DNM3: variants seen among roughly 807,000 people sequenced by gnomAD.
DNM3 encodes the protein dynamin-3.
A neutral mutation model predicts 101.6 loss-of-function variants in DNM3; 47 were observed. The observed-to-expected ratio is 0.46, with a 90% CI of 0.37 to 0.59. DNM3 has a LOEUF of 0.59. Among genes scored for constraint, DNM3 ranks in the 20% least tolerant of loss-of-function variants. The pLI, the probability that DNM3 is intolerant of heterozygous loss-of-function variation, is 0.00. For missense variants in DNM3, 849 were observed against 1,085.7 expected (o/e 0.78, Z 3.06); for synonymous variants, 385 against 387.9 (o/e 0.99, Z 0.09).
chr1:171,846,929 C>G (rs919286556), intron 1 of DNM3, among the ~76,000 whole-genome samples: 21 of 152,178 alleles, frequency 1.4e-4, no homozygotes, highest in Non-Finnish European at 2.9e-4. Flanking sequence ...TTACCTGTTT[C>G]CATATCCCCA....
intron 14 of DNM3, among the ~76,000 whole-genome samples, chr1:172,144,019 T>C (rs1014380665): frequency 6.6e-6 from 1 of 152,150 alleles, no homozygotes; most frequent in Admixed American, 6.5e-5. Flanking sequence ...TTAAAAGTTA[T>C]ACATACAGCC....
In DNM3 at chr1:172,133,993, G is replaced by A. The variant is rs567183980; in HGVS notation, c.1659+2705G>A. ...AGGTTGTGACATGATTGGATTGATG[G>A]TTTAGAAAGATTGCCCTGGCTGCTG... On this transcript the variant is annotated intron_variant, in intron 14 of 20. Coordinates refer to ENST00000627582, the MANE Select transcript of DNM3 (RefSeq NM_015569.5). 2.6e-5 allele frequency among the ~76,000 whole-genome samples: 4 copies of A among 152,264 alleles called. No homozygotes were observed. The South Asian group carries it at 8.3e-4, about 32-fold the overall frequency.
intron 4 of DNM3, among the ~76,000 whole-genome samples, chr1:172,010,684 G>T (rs1246442375): frequency 1.6e-3 from 11 of 7,096 alleles, no homozygotes; most frequent in Admixed American, 0.013. Flanking sequence ...GGTATGTTTT[G>T]TGTGTGTGTG....
chr1:172,087,558 C>A (rs2053616433), intron 12 of DNM3, among the ~76,000 whole-genome samples: 1 of 152,146 alleles, frequency 6.6e-6, no homozygotes, highest in Non-Finnish European at 1.5e-5. Flanking sequence ...ATGTTGTTCC[C>A]ACTTTCTGTG....
intron 2 of DNM3, among the ~76,000 whole-genome samples, chr1:171,982,587 A>G (rs1253427250): frequency 6.6e-6 from 1 of 151,722 alleles, no homozygotes; most frequent in Non-Finnish European, 1.5e-5. Context: ...CATAGATTAG[A>G]CCCAAATTGT....
rs531466441 is a variant in DNM3 at position 172,114,127 on chromosome 1, G to C, written c.1546-17048G>C. ...TTTTCAGTGTAGAGAATTAAAATTG[G>C]TTGCTATGAGGAAAAGTGAAGATGG... On this transcript the variant is annotated intron_variant, in intron 13 of 20. Transcript: ENST00000627582. 1.1e-4 allele frequency among the ~76,000 whole-genome samples: 16 copies of C among 152,224 alleles called. No homozygotes were observed. In the South Asian group the frequency reaches 3.3e-3, roughly 32 times the overall value.
At chr1:171,875,955 C>T (rs578077295) in intron 1 of DNM3, among the ~76,000 whole-genome samples, 8 of 151,622 alleles carry the variant, frequency 5.3e-5, no homozygotes, top group Admixed American at 2.0e-4. Context: ...GGACTACAGG[C>T]GCGTGCCACC....
intron 14 of DNM3, among the ~76,000 whole-genome samples, chr1:172,236,968 A>C (rs867215099): frequency 6.6e-6 from 1 of 152,050 alleles, no homozygotes; most frequent in African/African-American, 2.4e-5. Context: ...CTCCTGTTTT[A>C]TTAAGGGCCG....
intron 17 of DNM3, among the ~76,000 whole-genome samples, chr1:172,371,073 A>G (rs1485229066): frequency 5.3e-5 from 8 of 152,014 alleles, no homozygotes; most frequent in African/African-American, 1.7e-4. Context: ...CCACTTTCTC[A>G]TTCATTAATG....
intron 15 of DNM3, among the ~76,000 whole-genome samples, chr1:172,307,398 A>T (rs1277680246): frequency 4.6e-5 from 7 of 152,206 alleles, no homozygotes; most frequent in Non-Finnish European, 8.8e-5. Context: ...GGATGTGGAG[A>T]AATAGGAATG....
chr1:172,039,739 C>G (rs1156726866), intron 7 of DNM3, among the ~76,000 whole-genome samples: 1 of 151,912 alleles, frequency 6.6e-6, no homozygotes, highest in Non-Finnish European at 1.5e-5. Context: ...TTCTTTCTGA[C>G]CTATTTCTTT....
chr1:171,963,556 G>GT (rs1173205824), intron 2 of DNM3, among the ~76,000 whole-genome samples: 1 of 152,040 alleles, frequency 6.6e-6, no homozygotes, highest in Non-Finnish European at 1.5e-5. Context: ...TTCATCTATT[G>GT]TAACAAATGT....
intron 14 of DNM3, among the ~76,000 whole-genome samples, chr1:172,204,589 A>G (rs571013486): frequency 2.6e-5 from 4 of 152,160 alleles, no homozygotes; most frequent in Admixed American, 1.3e-4. Flanking sequence ...TGCATGTTCT[A>G]TCTTTGCTAA....
At chr1:172,166,041 T>C (rs1467341310) in intron 14 of DNM3, among the ~76,000 whole-genome samples, 2 of 152,056 alleles carry the variant, frequency 1.3e-5, no homozygotes, top group African/African-American at 4.8e-5. Flanking sequence ...CGAGATCCCA[T>C]TGCATCCTGT....
chr1:172,209,197 C>T (rs2060427339), intron 14 of DNM3, among the ~76,000 whole-genome samples: 2 of 151,810 alleles, frequency 1.3e-5, no homozygotes, highest in South Asian at 2.1e-4. Flanking sequence ...AATGAGACAC[C>T]AAGGTCCCCA....
intron 1 of DNM3, among the ~76,000 whole-genome samples, chr1:171,871,077 G>A (rs2035234588): frequency 6.6e-6 from 1 of 152,162 alleles, no homozygotes; most frequent in Non-Finnish European, 1.5e-5. Flanking sequence ...GATCTCAAAT[G>A]GTAAAAATCA....
At chr1:172,335,178 T>G (rs1039320822) in intron 17 of DNM3, among the ~76,000 whole-genome samples, 1 of 152,198 alleles carries the variant, frequency 6.6e-6, no homozygotes, top group African/African-American at 2.4e-5. Context: ...CAAGATTTTT[T>G]TAAAGTCACT....
intron 1 of DNM3, among the ~76,000 whole-genome samples, chr1:171,879,526 A>T (rs753088343): frequency 3.3e-5 from 5 of 152,194 alleles, no homozygotes; most frequent in Non-Finnish European, 5.9e-5. Flanking sequence ...AATAATTCTA[A>T]CTATTTAAGA....
chr1:172,335,896 A>G (rs1182186260), intron 17 of DNM3, among the ~76,000 whole-genome samples: 1 of 152,090 alleles, frequency 6.6e-6, no homozygotes, highest in African/African-American at 2.4e-5. Context: ...AGCATCACAT[A>G]ATATACTCAT....
Sources: gnomAD v4.1 joint callset for allele counts (sites outside exome capture counted in the v4.1 genomes callset) on GRCh38, gnomAD v4.1.1 for gene constraint, MANE v1.5 for transcripts, NCBI Gene and HGNC (gene_info 2026-07-23, HGNC 2026-07-21) for gene names.